Variants in DDR2 observed in about 807,000 individuals in gnomAD.
DDR2 encodes the protein discoidin domain-containing receptor 2.
Under a neutral mutation model 94.9 loss-of-function variants are expected in DDR2, and 27 were observed. The observed-to-expected ratio is 0.28, with a 90% confidence interval of 0.21 to 0.39. The LOEUF is 0.39. Among genes scored for constraint, DDR2 ranks in the 10% least tolerant of loss-of-function variants. The pLI is 1.00. For synonymous variants in DDR2, 382 were observed against 377.2 expected, an observed-to-expected ratio of 1.01 and a Z score of -0.15; for missense variants, 783 against 1,076.0, an observed-to-expected ratio of 0.73 and a Z score of 3.81.
chr1:162,728,496 G>A (rs1455944980), intron 3 of DDR2, among the ~76,000 whole-genome samples: 1 of 151,996 alleles, frequency 6.6e-6, no homozygotes, highest in South Asian at 2.1e-4. Flanking sequence ...GGTTAGGATG[G>A]CACCAAAAGT....
chr1:162,696,963 T>C (rs971621774), intron 2 of DDR2, among the ~76,000 whole-genome samples: 1 of 152,034 alleles, frequency 6.6e-6, no homozygotes. Context: ...AGATTTCTAT[T>C]ATACAAGAGA....
At chr1:162,684,834 C>T (rs912405624) in intron 2 of DDR2, among the ~76,000 whole-genome samples, 27 of 151,684 alleles carry the variant, frequency 1.8e-4, no homozygotes, top group African/African-American at 6.3e-4. Context: ...CACACACACA[C>T]ACACACACAC....
intron 2 of DDR2, among the ~76,000 whole-genome samples, chr1:162,690,747 A>T (rs1287600430): frequency 6.6e-6 from 1 of 152,246 alleles, no homozygotes; most frequent in Non-Finnish European, 1.5e-5. Flanking sequence ...TATAATAGTG[A>T]GTAATTTTTG....
intron 2 of DDR2, among the ~76,000 whole-genome samples, chr1:162,681,643 G>A (rs1340549093): frequency 6.6e-6 from 1 of 152,136 alleles, no homozygotes; most frequent in African/African-American, 2.4e-5. Flanking sequence ...AGAGATAACT[G>A]TTTTCTTGCT....
intron 3 of DDR2, among the ~76,000 whole-genome samples, chr1:162,733,694 C>T (rs894764323): frequency 2.6e-5 from 4 of 152,134 alleles, no homozygotes; most frequent in African/African-American, 7.2e-5. Context: ...ATTTGCCAAA[C>T]GTGTGTTAAG....
chr1:162,724,999 A>C (rs1160860815), intron 3 of DDR2, among the ~76,000 whole-genome samples: 2 of 152,158 alleles, frequency 1.3e-5, no homozygotes, highest in African/African-American at 2.4e-5. Flanking sequence ...TTCTCTGGGT[A>C]AAACAGAAAC....
Position 162,786,152 on chromosome 1 carries a change from C to G in DDR2, c.*5906C>G, listed in dbSNP as rs933892739. On this transcript the variant is annotated 3_prime_UTR_variant, in exon 18 of 18. Coordinates refer to ENST00000367921, the MANE Select transcript of DDR2 (RefSeq NM_006182.4). ...CAGTGAAAAACTGTTTTCTTGAAAA[C>G]AGGCTTGGACACAATTGAAAGCTGG... 1 of 152,188 alleles carries G rather than the reference C, an allele frequency of 6.6e-6. No homozygotes were observed. The highest frequency in any genetic ancestry group is 6.5e-5 in the Admixed American group (1 of 15,282). The allele number at this position is 152,188 out of a possible 1,614,324, so 9.4% of individuals were successfully genotyped here.
At chr1:162,634,975 G>C (rs1376852055) in intron 1 of DDR2, among the ~76,000 whole-genome samples, 1 of 152,124 alleles carries the variant, frequency 6.6e-6, no homozygotes, top group African/African-American at 2.4e-5. Context: ...TCCTGGGGTG[G>C]GGGTGGAGAG....
intron 3 of DDR2, among the ~76,000 whole-genome samples, chr1:162,750,601 C>T (rs1663138747): frequency 1.3e-5 from 2 of 152,122 alleles, no homozygotes; most frequent in Admixed American, 6.5e-5. Context: ...TGCCATCCCC[C>T]ATCAAGCTAC....
chr1:162,664,463 G>A (rs559738063), intron 2 of DDR2, among the ~76,000 whole-genome samples: 140 of 152,140 alleles, frequency 9.2e-4, no homozygotes, highest in African/African-American at 3.2e-3. Context: ...ATAGAATTAT[G>A]TACTAAAAAA....
At chr1:162,760,435 CAT>C (rs202046284) in intron 8 of DDR2, among the ~76,000 whole-genome samples, 3,668 of 137,898 alleles carry the variant, frequency 0.027, 103 homozygotes, top group East Asian at 0.13. Flanking sequence ...TACACAACTA[CAT>C]ATATATAACC....
intron 2 of DDR2, among the ~76,000 whole-genome samples, chr1:162,681,690 TGG>T (rs1202516101): frequency 6.6e-6 from 1 of 152,170 alleles, no homozygotes. Context: ...GAGAACTCTC[TGG>T]GGTCCTTAGT....
chr1:162,768,021 A>G (rs1474894162), intron 11 of DDR2, among the ~76,000 whole-genome samples: 2 of 152,206 alleles, frequency 1.3e-5, no homozygotes, highest in Non-Finnish European at 1.5e-5. Flanking sequence ...TTCCTCATGC[A>G]TAATTTTATA....
intron 9 of DDR2, among the ~76,000 whole-genome samples, chr1:162,764,476 C>T (rs1362464540): frequency 6.6e-6 from 1 of 150,606 alleles, no homozygotes; most frequent in African/African-American, 2.4e-5. Flanking sequence ...GTGGGTTTGT[C>T]ATAGACAGCA....
chr1:162,760,407 C>T (rs1240282893), intron 8 of DDR2, among the ~76,000 whole-genome samples: 1 of 147,856 alleles, frequency 6.8e-6, no homozygotes, highest in Admixed American at 6.8e-5. Flanking sequence ...TATATATATA[C>T]ACAATGATAT....
At chr1:162,636,852 C>G (rs945494941) in intron 1 of DDR2, among the ~76,000 whole-genome samples, 2 of 152,038 alleles carry the variant, frequency 1.3e-5, no homozygotes, top group East Asian at 1.9e-4. Context: ...AATAATCTAG[C>G]ATTTTTGCAT....
chr1:162,709,626 C>G (rs1660808565), intron 2 of DDR2, among the ~76,000 whole-genome samples: 1 of 152,226 alleles, frequency 6.6e-6, no homozygotes, highest in Admixed American at 6.5e-5. Flanking sequence ...GGCTGACCCT[C>G]TTGTGCCCAG....
intron 3 of DDR2, among the ~76,000 whole-genome samples, chr1:162,750,978 C>T (rs185718833): frequency 6.6e-5 from 10 of 152,264 alleles, no homozygotes; most frequent in African/African-American, 2.2e-4. Context: ...TTCCTTACAC[C>T]TTATACAAAA....
At position 162,780,519 on chromosome 1, in the gene DDR2, G is replaced by A; in HGVS notation, c.*273G>A. On this transcript the variant is annotated 3_prime_UTR_variant, in exon 18 of 18. Transcript: ENST00000367921. Reference sequence around the variant, plus strand: ...AAAATCTTTGATATACCAAAGTGTTGGATAACAAAGGCTAGAAAATTCAGA... The same window carrying A: ...AAAATCTTTGATATACCAAAGTGTTAGATAACAAAGGCTAGAAAATTCAGA... 5.0e-6 allele frequency: 2 copies of A among 398,572 alleles called. No homozygotes were observed. Among genetic ancestry groups the A allele is most frequent in the Non-Finnish European group, 9.0e-6 (2 of 221,848 alleles). 24.7% of individuals were successfully genotyped at this position (398,572 alleles called of 1,614,324 possible).
Sources: gnomAD v4.1 joint callset for allele counts (sites outside exome capture counted in the v4.1 genomes callset) on GRCh38, gnomAD v4.1.1 for gene constraint, MANE v1.5 for transcripts, NCBI Gene and HGNC (gene_info 2026-07-23, HGNC 2026-07-21) for gene names.